SLCO2A1: variants seen among roughly 807,000 people sequenced by gnomAD.
The protein encoded by SLCO2A1 is matrin F/G 1.
In SLCO2A1, 60 loss-of-function variants were observed where a neutral mutation model predicts 71.7. The ratio of observed to expected loss-of-function variants is 0.84; its 90% CI spans 0.68 to 1.04. The LOEUF is 1.04. Ranked by LOEUF, SLCO2A1 falls within the 50% of genes least tolerant of loss-of-function variation. SLCO2A1 has a pLI of 0.00. For missense variants in SLCO2A1, 745 were observed against 813.4 expected, an observed-to-expected ratio of 0.92 and a Z score of 1.02; for synonymous variants, 308 against 326.7, an observed-to-expected ratio of 0.94 and a Z score of 0.62.
chr3:134,014,491 C>T (rs766260434), intron 1 of SLCO2A1, among the ~76,000 whole-genome samples: 1 of 152,172 alleles, frequency 6.6e-6, no homozygotes, highest in Non-Finnish European at 1.5e-5. Flanking sequence ...GTAAGACACA[C>T]CCAGGGAATT....
intron 1 of SLCO2A1, among the ~76,000 whole-genome samples, chr3:134,005,270 C>A (rs1240152264): frequency 6.6e-6 from 1 of 152,166 alleles, no homozygotes; most frequent in South Asian, 2.1e-4. Flanking sequence ...TTTAAACATT[C>A]TTATCTGTTA....
At chr3:133,961,049 G>A (rs1389132215) in intron 3 of SLCO2A1, among the ~76,000 whole-genome samples, 1 of 152,000 alleles carries the variant, frequency 6.6e-6, no homozygotes, top group Non-Finnish European at 1.5e-5. Flanking sequence ...GAGGACTTGT[G>A]CATGATGGGA....
At chr3:133,993,165 C>G (rs557832946) in intron 1 of SLCO2A1, among the ~76,000 whole-genome samples, 2 of 152,366 alleles carry the variant, frequency 1.3e-5, no homozygotes, top group South Asian at 4.1e-4. Flanking sequence ...CCTGTGCTCC[C>G]CCTCCCCAGG....
chr3:133,958,778 G>T (rs1933960943), intron 3 of SLCO2A1, among the ~76,000 whole-genome samples: 1 of 152,198 alleles, frequency 6.6e-6, no homozygotes, highest in Non-Finnish European at 1.5e-5. Context: ...TTCCAAGTGG[G>T]TATTTATTTC....
intron 1 of SLCO2A1, among the ~76,000 whole-genome samples, chr3:134,010,834 T>C (rs1935325057): frequency 6.6e-6 from 1 of 150,682 alleles, no homozygotes; most frequent in South Asian, 2.1e-4. Flanking sequence ...ACTGCCCCCA[T>C]GATCCAATCA....
chr3:134,017,880 G>A (rs1048152009), intron 1 of SLCO2A1, among the ~76,000 whole-genome samples: 11 of 152,160 alleles, frequency 7.2e-5, no homozygotes, highest in Middle Eastern at 3.2e-3. Flanking sequence ...ACATCTCAAC[G>A]TTCCAACATC....
At chr3:133,970,978 TC>T (rs1419584769) in intron 3 of SLCO2A1, among the ~76,000 whole-genome samples, 1 of 152,222 alleles carries the variant, frequency 6.6e-6, no homozygotes, top group Non-Finnish European at 1.5e-5. Context: ...GACTGATTAT[TC>T]CTAACAAGGA....
intron 1 of SLCO2A1, among the ~76,000 whole-genome samples, chr3:133,992,182 C>G (rs1352547683): frequency 1.3e-5 from 2 of 152,158 alleles, no homozygotes; most frequent in Non-Finnish European, 2.9e-5. Flanking sequence ...CACTGGAAAT[C>G]CCAAACTGCA....
rs115637002 is a variant in SLCO2A1 at position 134,026,367 on chromosome 3, T to G, written c.96+3340A>C. Among the ~76,000 whole-genome samples, 1,065 of 151,538 alleles carry G rather than the reference T, an allele frequency of 7.0e-3. 15 individuals are homozygous for G. Among genetic ancestry groups the G allele is most frequent in the African/African-American group, 0.024 (1,009 of 41,254 alleles). On this transcript the variant is annotated intron_variant, in intron 1 of 13. Coordinates refer to ENST00000310926, the MANE Select transcript of SLCO2A1 (RefSeq NM_005630.3). Reference sequence around the variant, plus strand: ...CTGGATTATACTAGATACGTAGGCATAGAGCTTACGCCAAATTACCTGACC... The same window carrying G: ...CTGGATTATACTAGATACGTAGGCAGAGAGCTTACGCCAAATTACCTGACC...
chr3:133,954,752 G>A (rs556817008), intron 4 of SLCO2A1, among the ~76,000 whole-genome samples: 2 of 152,272 alleles, frequency 1.3e-5, no homozygotes, highest in African/African-American at 4.8e-5. Context: ...AGAAACCTGG[G>A]GCCCTGGGGT....
At chr3:134,002,462 A>C (rs1182127910) in intron 1 of SLCO2A1, among the ~76,000 whole-genome samples, 1 of 152,226 alleles carries the variant, frequency 6.6e-6, no homozygotes, top group Non-Finnish European at 1.5e-5. Context: ...GTTCCCTGGC[A>C]ACCATTTGAG....
At chr3:134,011,090 G>A (rs1198643713) in intron 1 of SLCO2A1, among the ~76,000 whole-genome samples, 4 of 152,020 alleles carry the variant, frequency 2.6e-5, no homozygotes, top group Non-Finnish European at 5.9e-5. Context: ...CTCTGCTGTT[G>A]CCCAGGCTGG....
rs200824486 is a variant in SLCO2A1, at chr3:133,951,326, G to A, written c.743C>T (p.Pro248Leu). ...RVNTAAVNLV[P>L]GDPRWIGAWW... ...GGCTCCAATCCATCGGGGGTCACCCGGGACCAAGTTAACTGCAGCTGAAGA... is the reference window on the plus strand; with the variant it reads ...GGCTCCAATCCATCGGGGGTCACCCAGGACCAAGTTAACTGCAGCTGAAGA... The change falls in exon 6 of 14, where the codon CCG (proline) becomes CTG (leucine). Residue 248 changes from proline to leucine, a missense_variant. Coordinates refer to ENST00000310926, the MANE Select transcript of SLCO2A1 (RefSeq NM_005630.3). 149 of 1,613,950 alleles carry A rather than the reference G, an allele frequency of 9.2e-5. No individual in the cohort carries two copies. The highest frequency in any genetic ancestry group is 6.6e-5 in the South Asian group (6 of 91,074).
In SLCO2A1 at chr3:133,979,505, C is replaced by T. The variant is rs10935090; in HGVS notation, c.210G>A (p.Ser70=). ...EKRFGLSSSS[S]GLISSLNEIS... is the part of the protein sequence containing the mutation. ...CCTCATTCAAGCTGGAAATGAGACC[C>T]GATGAAGAACTGGAGAGCCCAAAGC... The change falls in exon 2 of 14, where the codon TCG becomes TCA. Residue 70 remains serine, a synonymous_variant. Coordinates refer to ENST00000310926, the MANE Select transcript of SLCO2A1 (RefSeq NM_005630.3). The T allele has an allele frequency of 0.15, 242,716 of 1,613,930 alleles. 24,210 individuals carry two copies. The highest frequency in any genetic ancestry group is 0.57 in the East Asian group (25,466 of 44,858).
intron 3 of SLCO2A1, among the ~76,000 whole-genome samples, chr3:133,961,357 C>A (rs1020455277): frequency 3.3e-5 from 5 of 152,006 alleles, no homozygotes; most frequent in Non-Finnish European, 7.4e-5. Flanking sequence ...AAAGAAAGGG[C>A]CAGAAAATGT....
At chr3:133,988,593 T>C (rs1934766344) in intron 1 of SLCO2A1, among the ~76,000 whole-genome samples, 2 of 152,240 alleles carry the variant, frequency 1.3e-5, no homozygotes, top group African/African-American at 2.4e-5. Flanking sequence ...TTGTAAAATA[T>C]TTGAAGAGAT....
At chr3:134,021,018 C>G (rs143971739) in intron 1 of SLCO2A1, among the ~76,000 whole-genome samples, 14,290 of 152,222 alleles carry the variant, frequency 0.094, 781 homozygotes, top group East Asian at 0.22. Context: ...CCACGGCATG[C>G]CTGTACCGGC....
rs1425721418 is a variant in SLCO2A1 at position 133,948,978 on chromosome 3, G to A, written c.862-7C>T. ...CTGCTGTGGCAGGAGCCCTCTGAAG[G>A]CAATAAAAGGGGTGAGTGTTCACGG... On this transcript the variant is annotated splice_region_variant and splice_polypyrimidine_tract_variant and intron_variant, in intron 6 of 13. Transcript: ENST00000310926. The A allele has an allele frequency of 1.9e-6, 3 of 1,612,832 alleles. No homozygotes were observed. Among genetic ancestry groups the A allele is most frequent in the Non-Finnish European group, 2.5e-6 (3 of 1,178,934 alleles).
chr3:133,989,032 C>A (rs950024904), intron 1 of SLCO2A1, among the ~76,000 whole-genome samples: 1 of 152,234 alleles, frequency 6.6e-6, no homozygotes, highest in Non-Finnish European at 1.5e-5. Flanking sequence ...CAACCCTCCC[C>A]CTTCCACCAC....
Sources: gnomAD v4.1 joint callset for allele counts (sites outside exome capture counted in the v4.1 genomes callset) on GRCh38, gnomAD v4.1.1 for gene constraint, MANE v1.5 for transcripts, NCBI Gene and HGNC (gene_info 2026-07-23, HGNC 2026-07-21) for gene names.